Variants in AJAP1 observed in about 807,000 individuals in gnomAD.
AJAP1 encodes adherens junction-associated protein 1.
In AJAP1, 5 loss-of-function variants were observed where a neutral mutation model predicts 35.0. That is an observed-to-expected ratio of 0.14 (90% CI 0.07 to 0.30). AJAP1 has a LOEUF of 0.30. Among genes scored for constraint, AJAP1 ranks in the 10% least tolerant of loss-of-function variants. AJAP1 has a pLI of 1.00. For missense variants in AJAP1, 586 were observed against 571.0 expected, an observed-to-expected ratio of 1.03 and a Z score of -0.27; for synonymous variants, 284 against 249.3, an observed-to-expected ratio of 1.14 and a Z score of -1.31.
At chr1:4,660,141 G>A (rs748529303) in intron 1 of AJAP1, among the ~76,000 whole-genome samples, 7 of 152,224 alleles carry the variant, frequency 4.6e-5, no homozygotes, top group Admixed American at 1.3e-4. Context: ...CAATAAAGCT[G>A]TTTTTCTTCT....
At chr1:4,740,395 A>AGTGGGGGAGGGGGAGGGGGAGGGAGT (rs1553159527) in intron 2 of AJAP1, among the ~76,000 whole-genome samples, 2 of 135,426 alleles carry the variant, frequency 1.5e-5, no homozygotes, top group African/African-American at 2.8e-5. Context: ...ATGGGGACAG[A>AGTGGGGGAGGGGGAGGGGGAGGGAGT]GTTTCAGTTT....
At chr1:4,760,328 C>T (rs920393135) in intron 2 of AJAP1, among the ~76,000 whole-genome samples, 39 of 149,256 alleles carry the variant, frequency 2.6e-4, no homozygotes, top group Middle Eastern at 3.5e-3. Flanking sequence ...TGTGTGTGAA[C>T]GTGTGTGAGT....
At chr1:4,697,197 C>T (rs1033392173) in intron 1 of AJAP1, among the ~76,000 whole-genome samples, 7 of 152,180 alleles carry the variant, frequency 4.6e-5, no homozygotes, top group African/African-American at 1.7e-4. Context: ...TATGTGTGCA[C>T]CTGTGTTCTG....
At chr1:4,750,594 C>G (rs1158035661) in intron 2 of AJAP1, among the ~76,000 whole-genome samples, 3 of 151,278 alleles carry the variant, frequency 2.0e-5, no homozygotes, top group Non-Finnish European at 4.4e-5. Flanking sequence ...ACAGACAGAG[C>G]AGTGCCCTCT....
At position 4,734,023 on chromosome 1, in the gene AJAP1, T is replaced by C. The variant is rs1178202560; in HGVS notation, c.829+21324T>C. On this transcript the variant is annotated intron_variant, in intron 2 of 5. Coordinates refer to ENST00000378191, the MANE Select transcript of AJAP1 (RefSeq NM_018836.4). This position sits in a 1 kb window ranked among gnomAD's most constrained non-coding sequence, Gnocchi z 4.3. ...AGCAGGGCCCTTGCCGGAGCTCCAA[T>C]TAGCGGCTTTTGTAAGCGATCACGT... is the stretch of plus-strand genomic sequence containing the variant. 1.3e-5 allele frequency among the ~76,000 whole-genome samples: 2 copies of C among 152,222 alleles called. No individual in the cohort carries two copies. The highest frequency in any genetic ancestry group is 4.8e-5 in the African/African-American group (2 of 41,466).
At position 4,774,548 on chromosome 1, in the gene AJAP1, T is replaced by G. The variant is rs1255435077; in HGVS notation, c.*49T>G. ...CTGGGGGCAGGGCAGACGCCGTGTG[T>G]CTGTTTCACGGTAGGTACCTCTCTT... is the stretch of plus-strand genomic sequence containing the variant. On this transcript the variant is annotated 3_prime_UTR_variant, in exon 5 of 6. Coordinates refer to ENST00000378191, the MANE Select transcript of AJAP1 (RefSeq NM_018836.4). 8 of 1,557,714 alleles carry G rather than the reference T, an allele frequency of 5.1e-6. No individual in the cohort carries two copies. Among genetic ancestry groups the G allele is most frequent in the Non-Finnish European group, 6.2e-6 (7 of 1,130,036 alleles).
intron 2 of AJAP1, among the ~76,000 whole-genome samples, chr1:4,764,951 C>A (rs200647565): frequency 6.6e-6 from 1 of 152,206 alleles, no homozygotes; most frequent in South Asian, 2.1e-4. Flanking sequence ...GATCTTATTA[C>A]AAACCACCAC....
chr1:4,665,640 T>C (rs1236819002), intron 1 of AJAP1, among the ~76,000 whole-genome samples: 2 of 152,160 alleles, frequency 1.3e-5, no homozygotes, highest in Non-Finnish European at 2.9e-5. Context: ...GAGAGTCTGC[T>C]GGCCCCAGGT....
chr1:4,718,354 C>T (rs1640442237), intron 2 of AJAP1, among the ~76,000 whole-genome samples: 1 of 152,198 alleles, frequency 6.6e-6, no homozygotes, highest in African/African-American at 2.4e-5. Flanking sequence ...CTGGCTTCAA[C>T]TTATTGCATT....
rs1642122535 is a variant in AJAP1, at chr1:4,784,154, C to A, written c.*1669C>A. 1.3e-5 allele frequency: 2 copies of A among 152,260 alleles called. No homozygotes were observed. Among genetic ancestry groups the A allele is most frequent in the Admixed American group, 1.3e-4 (2 of 15,282 alleles). 9.4% of individuals were successfully genotyped at this position (152,260 alleles called of 1,614,324 possible). ...CAGTACAGAGAATCCCAACCACACA[C>A]ACTTTATTAAAAATACTGCCATGCC... is the stretch of plus-strand genomic sequence containing the variant. On this transcript the variant is annotated 3_prime_UTR_variant, in exon 6 of 6. Transcript: ENST00000378191.
intron 2 of AJAP1, among the ~76,000 whole-genome samples, chr1:4,718,587 A>G (rs555964032): frequency 4.0e-5 from 6 of 151,632 alleles, no homozygotes; most frequent in South Asian, 4.2e-4. Context: ...GGTTCAAGCA[A>G]TTCTCCTGCC....
At chr1:4,735,339 G>T (rs1640895207) in intron 2 of AJAP1, among the ~76,000 whole-genome samples, 2 of 152,204 alleles carry the variant, frequency 1.3e-5, no homozygotes, top group African/African-American at 4.8e-5. Flanking sequence ...GGAGCGTGTG[G>T]GAGGGAGGGT....
chr1:4,658,490 C>A (rs893962131), intron 1 of AJAP1, among the ~76,000 whole-genome samples: 1 of 152,212 alleles, frequency 6.6e-6, no homozygotes, highest in African/African-American at 2.4e-5. Flanking sequence ...ACAAACATTG[C>A]GCTCCGGGTG....
intron 2 of AJAP1, among the ~76,000 whole-genome samples, chr1:4,727,381 G>A (rs1055637175): frequency 3.3e-5 from 5 of 152,220 alleles, no homozygotes; most frequent in Non-Finnish European, 5.9e-5. Flanking sequence ...TCTCCTGTGG[G>A]GGACAGTGCG....
At chr1:4,746,037 T>C (rs977613741) in intron 2 of AJAP1, among the ~76,000 whole-genome samples, 1 of 152,156 alleles carries the variant, frequency 6.6e-6, no homozygotes, top group Non-Finnish European at 1.5e-5. Context: ...ACATGGGTGA[T>C]TTAAAACAAC....
chr1:4,742,648 G>A (rs1424527903), intron 2 of AJAP1, among the ~76,000 whole-genome samples: 1 of 152,066 alleles, frequency 6.6e-6, no homozygotes. Flanking sequence ...ATCAAATGAT[G>A]CAATATAAAA....
At chr1:4,674,161 C>T (rs1236065991) in intron 1 of AJAP1, among the ~76,000 whole-genome samples, 1 of 151,422 alleles carries the variant, frequency 6.6e-6, no homozygotes, top group Admixed American at 6.6e-5. Context: ...GACTGCAAAT[C>T]GGCCAAGAAG....
intron 1 of AJAP1, among the ~76,000 whole-genome samples, chr1:4,657,692 G>T (rs552117335): frequency 1.5e-5 from 2 of 133,994 alleles, no homozygotes; most frequent in African/African-American, 2.7e-5. Flanking sequence ...TGGGAGAGGT[G>T]CAGTGTAACT....
intron 1 of AJAP1, among the ~76,000 whole-genome samples, chr1:4,661,535 G>A (rs1257057431): frequency 6.6e-6 from 1 of 152,234 alleles, no homozygotes; most frequent in African/African-American, 2.4e-5. Context: ...TCCAGGACTC[G>A]AAGGTCCATT....
Sources: allele counts gnomAD v4.1 joint callset (sites outside exome capture counted in the v4.1 genomes callset), GRCh38; gene constraint gnomAD v4.1.1; non-coding constraint Gnocchi (gnomAD v3.1); transcripts MANE v1.5; gene names NCBI Gene and HGNC (gene_info 2026-07-23, HGNC 2026-07-21).